Variants in AFMID observed in about 807,000 individuals in gnomAD.
AFMID encodes the protein arylformamidase.
In AFMID, 39 loss-of-function variants were observed where a neutral mutation model predicts 47.5. The observed-to-expected ratio is 0.82, with a 90% CI of 0.64 to 1.07. The LOEUF (loss-of-function observed/expected upper bound fraction) is 1.07. AFMID is among the 50% of genes least tolerant of loss of function. The probability of loss-of-function intolerance (pLI) is 0.00; values close to 1 mark genes in which losing one functional copy is unlikely to be tolerated. For synonymous variants in AFMID, 130 were observed against 153.2 expected (o/e 0.85, Z 1.12); for missense variants, 375 against 387.5 (o/e 0.97, Z 0.27).
intron 2 of AFMID, among the ~76,000 whole-genome samples, chr17:78,196,118 C>T (rs2076106334): frequency 6.6e-6 from 1 of 152,198 alleles, no homozygotes; most frequent in Non-Finnish European, 1.5e-5. Context: ...AATCCCAGCA[C>T]TTTGGGAGGC....
At chr17:78,199,343 A>T (rs1315380068) in intron 2 of AFMID, among the ~76,000 whole-genome samples, 1 of 150,922 alleles carries the variant, frequency 6.6e-6, no homozygotes, top group Non-Finnish European at 1.5e-5. Context: ...TGCAGAATGA[A>T]TCACCCACCC....
At chr17:78,194,272 G>A (rs372609251) in intron 2 of AFMID, among the ~76,000 whole-genome samples, 8 of 151,984 alleles carry the variant, frequency 5.3e-5, no homozygotes, top group Admixed American at 2.6e-4. Flanking sequence ...ATTTACAGGC[G>A]CGTGCCACCA....
chr17:78,189,844 T>C (rs2075914718), intron 1 of AFMID, among the ~76,000 whole-genome samples: 1 of 147,774 alleles, frequency 6.8e-6, no homozygotes, highest in South Asian at 2.2e-4. Flanking sequence ...TTTTTTTTTT[T>C]TTTTTGAGAT....
rs559529152 is a variant in AFMID at position 78,204,555 on chromosome 17, C to T, written c.309-101C>T. 6.2e-4 allele frequency: 678 copies of T among 1,096,920 alleles called. 1 individual carries two copies. Among genetic ancestry groups the T allele is most frequent in the Non-Finnish European group, 8.4e-4 (610 of 723,962 alleles). 67.9% of individuals were successfully genotyped at this position (1,096,920 alleles called of 1,614,324 possible). A position where few individuals can be genotyped will look rare whatever the true frequency, so the allele number is the denominator to read the frequency against. On this transcript the variant is annotated intron_variant, in intron 4 of 10. Transcript: ENST00000409257. ...CACATGGGACCAGAAAGGGGTGATG[C>T]TGTGCGTGGACAGGACATCTGGCAA... is the stretch of plus-strand genomic sequence containing the variant.
chr17:78,191,332 C>G (rs775909033), intron 2 of AFMID, among the ~76,000 whole-genome samples: 1 of 152,088 alleles, frequency 6.6e-6, no homozygotes, highest in Non-Finnish European at 1.5e-5. Flanking sequence ...TACCCAGGCC[C>G]GTAAGGCTGC....
chr17:78,194,483 C>G (rs1312642945), intron 2 of AFMID, among the ~76,000 whole-genome samples: 1 of 152,100 alleles, frequency 6.6e-6, no homozygotes, highest in Non-Finnish European at 1.5e-5. Flanking sequence ...CAATGCCAGC[C>G]TGTTAACTTG....
intron 1 of AFMID, among the ~76,000 whole-genome samples, chr17:78,189,566 T>G (rs1480374749): frequency 6.7e-6 from 1 of 150,180 alleles, no homozygotes; most frequent in Non-Finnish European, 1.5e-5. Flanking sequence ...TCTCTCAGGC[T>G]GGAGTGCAAT....
At chr17:78,197,325 C>G in intron 2 of AFMID, 1 of 938,626 alleles carries the variant, frequency 1.1e-6, no homozygotes, top group Non-Finnish European at 1.6e-6. Flanking sequence ...AGAATTCTAC[C>G]CCTGAGAGTG....
intron 2 of AFMID, among the ~76,000 whole-genome samples, chr17:78,195,587 C>T (rs2076092095): frequency 6.6e-6 from 1 of 151,566 alleles, no homozygotes; most frequent in South Asian, 2.1e-4. Context: ...ACCGCAACCT[C>T]TGCCTCCTGG....
At chr17:78,199,011 T>C (rs747941636) in intron 2 of AFMID, among the ~76,000 whole-genome samples, 3 of 152,188 alleles carry the variant, frequency 2.0e-5, no homozygotes, top group Non-Finnish European at 4.4e-5. Context: ...TTTCACTTAG[T>C]ATTTCTTGGA....
At chr17:78,191,209 T>C (rs944092742) in intron 2 of AFMID, 149 bp downstream of exon 2, 4 of 690,538 alleles carry the variant, frequency 5.8e-6, no homozygotes, top group East Asian at 2.8e-5. Flanking sequence ...ACCTCCCTGC[T>C]CAGGGGCAGG....
intron 2 of AFMID, chr17:78,197,212 G>A (rs917005849): frequency 1.9e-6 from 3 of 1,550,470 alleles, no homozygotes; most frequent in Admixed American, 2.0e-5. Flanking sequence ...AGCCTGTGAG[G>A]CACATTGTCT....
intron 1 of AFMID, among the ~76,000 whole-genome samples, chr17:78,190,528 G>T (rs2075937241): frequency 6.6e-6 from 1 of 152,142 alleles, no homozygotes; most frequent in African/African-American, 2.4e-5. Context: ...CAAGTAGCTG[G>T]GATTACAGGT....
Position 78,206,955 on chromosome 17 carries a change from GC to G in AFMID, c.*20del. The G allele has an allele frequency of 6.2e-7, 1 of 1,613,746 alleles. No homozygotes were observed. The highest frequency in any genetic ancestry group is 8.5e-7 in the Non-Finnish European group (1 of 1,179,740). ...TCCAGTAGTTCTGACGATACTTGGA[GC>G]CTGGTCCACGTGCATCCCACCTTGG... On this transcript the variant is annotated 3_prime_UTR_variant, in exon 11 of 11. Transcript: ENST00000409257.
At chr17:78,204,563 G>C in intron 4 of AFMID, 93 bp from the exon 5 acceptor site, 1 of 1,233,056 alleles carries the variant, frequency 8.1e-7, no homozygotes, top group Non-Finnish European at 1.2e-6. Flanking sequence ...TGCTGTGCGT[G>C]GACAGGACAT....
chr17:78,187,804 T>G (rs1054570413), intron 1 of AFMID, among the ~76,000 whole-genome samples: 1 of 151,644 alleles, frequency 6.6e-6, no homozygotes, highest in Non-Finnish European at 1.5e-5. Context: ...ATACAAAAAT[T>G]AGCCGGGCGT....
chr17:78,205,880 C>T, intron 9 of AFMID, 66 bp from the exon 10 acceptor site: 1 of 1,589,460 alleles, frequency 6.3e-7, no homozygotes, highest in South Asian at 1.1e-5. Context: ...CCAGGCATGG[C>T]CCCATGTCCT....
At position 78,207,318 on chromosome 17, in the gene AFMID, CTG is replaced by C. The variant is rs1362303784; in HGVS notation, c.*383_*384del. 1 of 172,968 alleles carries C rather than the reference CTG, an allele frequency of 5.8e-6. No homozygotes were observed. The highest frequency in any genetic ancestry group is 9.8e-6 in the Non-Finnish European group (1 of 102,498). 10.7% of individuals were successfully genotyped at this position (172,968 alleles called of 1,614,324 possible). ...TTTTTTTTTGAGATGGAGTCTTACT[CTG>C]TCACCCAGGCTGGAGTGCAGTGGCG... On this transcript the variant is annotated 3_prime_UTR_variant, in exon 11 of 11. Transcript: ENST00000409257.
Position 78,205,701 on chromosome 17 carries a change from C to A in AFMID, c.743C>A (p.Ser248Tyr), listed in dbSNP as rs2076362225. 1.2e-6 allele frequency: 2 copies of A among 1,611,554 alleles called. No homozygotes were observed. Among genetic ancestry groups the A allele is most frequent in the African/African-American group, 2.7e-5 (2 of 74,926 alleles). ...RVLVVVGQFD[S>Y]PEFHRQSWEF... Reference sequence around the variant, plus strand: ...CTGGTGGTCGTGGGCCAGTTCGACTCCCCCGAATTCCACCGACAGTCCTGG... The same window carrying A: ...CTGGTGGTCGTGGGCCAGTTCGACTACCCCGAATTCCACCGACAGTCCTGG... The change falls in exon 9 of 11, where the codon TCC becomes TAC. Residue 248 changes from serine to tyrosine, a missense_variant. By Grantham distance (144) the Ser-to-Tyr change is moderately radical. Coordinates refer to ENST00000409257, the MANE Select transcript of AFMID (RefSeq NM_001010982.5).
Sources: allele counts gnomAD v4.1 joint callset (sites outside exome capture counted in the v4.1 genomes callset), GRCh38; gene constraint gnomAD v4.1.1; transcripts MANE v1.5; gene names NCBI Gene and HGNC (gene_info 2026-07-23, HGNC 2026-07-21).